Variants in ALCAM observed in about 807,000 individuals in gnomAD.
ALCAM encodes activated leukocyte cell adhesion molecule, also known as CD166 antigen.
Under a neutral mutation model 70.9 loss-of-function variants are expected in ALCAM, and 30 were observed. The ratio of observed to expected loss-of-function variants is 0.42; its 90% CI spans 0.32 to 0.57. ALCAM has a LOEUF of 0.57. Ranked by LOEUF, ALCAM falls within the 20% of genes least tolerant of loss-of-function variation. ALCAM has a pLI of 0.11. For synonymous variants in ALCAM, 249 were observed against 242.5 expected, an observed-to-expected ratio of 1.03 and a Z score of -0.25; for missense variants, 591 against 695.1, an observed-to-expected ratio of 0.85 and a Z score of 1.68.
chr3:105,514,106 C>G (rs746366808), intron 1 of ALCAM, among the ~76,000 whole-genome samples: 1 of 151,896 alleles, frequency 6.6e-6, no homozygotes, highest in Non-Finnish European at 1.5e-5. Flanking sequence ...GGATTCCTTT[C>G]TATACAGTCC....
At chr3:105,504,559 G>T (rs200464074) in intron 1 of ALCAM, among the ~76,000 whole-genome samples, 1 of 123,584 alleles carries the variant, frequency 8.1e-6, no homozygotes, top group African/African-American at 3.1e-5. Flanking sequence ...CTCCGCGTCT[G>T]TTTCTGCAAG....
intron 1 of ALCAM, among the ~76,000 whole-genome samples, chr3:105,395,856 C>T (rs1935938318): frequency 6.6e-6 from 1 of 151,970 alleles, no homozygotes; most frequent in Non-Finnish European, 1.5e-5. Context: ...AAGACTATCC[C>T]ATTTTGATTC....
chr3:105,563,663 ATTTCTTTT>A (rs1940677664), intron 14 of ALCAM, among the ~76,000 whole-genome samples: 1 of 72,548 alleles, frequency 1.4e-5, no homozygotes, highest in African/African-American at 6.8e-5. Flanking sequence ...AATTCCAAGC[ATTTCTTTT>A]TTTTTTTTTT....
chr3:105,429,854 T>C (rs967558626), intron 1 of ALCAM, among the ~76,000 whole-genome samples: 8 of 152,026 alleles, frequency 5.3e-5, no homozygotes, highest in Admixed American at 4.6e-4. Context: ...AGCAATATGT[T>C]AAAATTCATT....
At position 105,367,336 on chromosome 3, in the gene ALCAM, C is replaced by T. The variant is rs1366003066; in HGVS notation, c.-73C>T. 19 of 1,544,992 alleles carry T rather than the reference C, an allele frequency of 1.2e-5. No homozygotes were observed. The highest frequency in any genetic ancestry group is 1.8e-5 in the Admixed American group (1 of 55,816). On this transcript the variant is annotated 5_prime_UTR_variant, in exon 1 of 16. Coordinates refer to ENST00000306107, the MANE Select transcript of ALCAM (RefSeq NM_001627.4). ...GTCGGGACCCGCCAGCGCGCGGGCA[C>T]CGCGGGGCCCGGGACGACGCCCCCT...
At chr3:105,496,091 T>C (rs1203625929) in intron 1 of ALCAM, among the ~76,000 whole-genome samples, 1 of 152,198 alleles carries the variant, frequency 6.6e-6, no homozygotes, top group East Asian at 1.9e-4. Context: ...AAAATAAATA[T>C]GAGCCGAAAA....
At position 105,367,218 on chromosome 3, in the gene ALCAM, A is replaced by T. The variant is rs1481343219; in HGVS notation, c.-191A>T. 3.1e-5 allele frequency: 18 copies of T among 588,736 alleles called. No individual in the cohort carries two copies. Among genetic ancestry groups the T allele is most frequent in the Non-Finnish European group, 5.2e-5 (17 of 328,266 alleles). The allele number at this position is 588,736 out of a possible 1,614,324, so 36.5% of individuals were successfully genotyped here. ...CCGGGAGGGAGGAGGAGTTGGGGGC[A>T]TTGCGTGGTGGAAAGTTGCGTGCGG... is the stretch of plus-strand genomic sequence containing the variant. On this transcript the variant is annotated 5_prime_UTR_variant, in exon 1 of 16. Transcript: ENST00000306107.
At chr3:105,400,462 C>T (rs553754566) in intron 1 of ALCAM, among the ~76,000 whole-genome samples, 1 of 152,122 alleles carries the variant, frequency 6.6e-6, no homozygotes, top group East Asian at 1.9e-4. Flanking sequence ...TGAAGGAGAA[C>T]TTTAATAGAC....
intron 8 of ALCAM, among the ~76,000 whole-genome samples, chr3:105,544,390 T>A (rs1367893339): frequency 6.7e-6 from 1 of 150,182 alleles, no homozygotes; most frequent in East Asian, 1.9e-4. Context: ...AAACCCAGTT[T>A]GGCTCTGTTC....
At chr3:105,548,427 G>T (rs1940306896) in intron 11 of ALCAM, among the ~76,000 whole-genome samples, 1 of 151,402 alleles carries the variant, frequency 6.6e-6, no homozygotes, top group African/African-American at 2.4e-5. Flanking sequence ...GTACTTCTCA[G>T]ATTTTGACCC....
intron 14 of ALCAM, chr3:105,552,829 A>G: frequency 3.9e-6 from 5 of 1,275,338 alleles, no homozygotes; most frequent in Non-Finnish European, 5.0e-6. Context: ...GCCTGAATTC[A>G]ATTATTTGAT....
intron 1 of ALCAM, among the ~76,000 whole-genome samples, chr3:105,449,774 A>G (rs890990515): frequency 6.6e-6 from 1 of 152,076 alleles, no homozygotes; most frequent in African/African-American, 2.4e-5. Context: ...GCTTTATAGG[A>G]TTTACATTTG....
chr3:105,430,413 G>A (rs1445251200), intron 1 of ALCAM, among the ~76,000 whole-genome samples: 1 of 151,966 alleles, frequency 6.6e-6, no homozygotes, highest in African/African-American at 2.4e-5. Flanking sequence ...AATTTTGACA[G>A]TTTTGAGGGG....
rs1251124393 is a variant in ALCAM, at chr3:105,367,171, AGGGCCCGTGGGCT to A, written c.-235_-223del. On this transcript the variant is annotated 5_prime_UTR_variant, in exon 1 of 16. Coordinates refer to ENST00000306107, the MANE Select transcript of ALCAM (RefSeq NM_001627.4). ...TCGTTGTCCCCGGAGGAGCAGCCGA[AGGGCCCGTGGGCT>A]GGTGTTGACCGGGAGGGAGGAGGAG... is the stretch of plus-strand genomic sequence containing the variant. 1.9e-6 allele frequency: 1 copy of A among 535,374 alleles called. No homozygotes were observed. Among genetic ancestry groups the A allele is most frequent in the Admixed American group, 3.2e-5 (1 of 31,010 alleles). The allele number at this position is 535,374 out of a possible 1,614,324, so 33.2% of individuals were successfully genotyped here. A position where few individuals can be genotyped will look rare whatever the true frequency, so the allele number is the denominator to read the frequency against.
chr3:105,377,603 C>T (rs1323210903), intron 1 of ALCAM, among the ~76,000 whole-genome samples: 7 of 152,142 alleles, frequency 4.6e-5, no homozygotes, highest in Middle Eastern at 3.4e-3. Flanking sequence ...TATACACTCA[C>T]ATACAAGGCA....
At chr3:105,404,232 C>G (rs1320649182) in intron 1 of ALCAM, among the ~76,000 whole-genome samples, 1 of 151,942 alleles carries the variant, frequency 6.6e-6, no homozygotes, top group Non-Finnish European at 1.5e-5. Flanking sequence ...ATGAGAAGCT[C>G]AAAGAACACC....
chr3:105,571,952 C>A lies in ALCAM; in HGVS notation c.*13C>A. ...AACTGAAGCCTAAGAGAGAAACTGT[C>A]CTAGTTGTCCAGGTGAGTAGTCTGT... is the stretch of plus-strand genomic sequence containing the variant. On this transcript the variant is annotated 3_prime_UTR_variant, in exon 15 of 16. Coordinates refer to ENST00000306107, the MANE Select transcript of ALCAM (RefSeq NM_001627.4). 6.3e-7 allele frequency: 1 copy of A among 1,594,246 alleles called. No homozygotes were observed. The highest frequency in any genetic ancestry group is 1.1e-5 in the South Asian group (1 of 90,296).
At chr3:105,572,793 G>A (rs936012620) in intron 15 of ALCAM, among the ~76,000 whole-genome samples, 5 of 152,096 alleles carry the variant, frequency 3.3e-5, no homozygotes, top group Admixed American at 3.3e-4. Flanking sequence ...AGTGTTTTCG[G>A]AAGAATGGAA....
At chr3:105,475,428 C>G (rs1938082630) in intron 1 of ALCAM, among the ~76,000 whole-genome samples, 1 of 151,966 alleles carries the variant, frequency 6.6e-6, no homozygotes, top group Admixed American at 6.6e-5. Flanking sequence ...AATATGCATT[C>G]TGTTCATCTG....
Sources: allele counts gnomAD v4.1 joint callset (sites outside exome capture counted in the v4.1 genomes callset), GRCh38; gene constraint gnomAD v4.1.1; transcripts MANE v1.5; gene names NCBI Gene and HGNC (gene_info 2026-07-23, HGNC 2026-07-21).